UBE3B: variants seen among roughly 807,000 people sequenced by gnomAD.
UBE3B encodes the protein ubiquitin-protein ligase E3B.
A neutral mutation model predicts 132.3 loss-of-function variants in UBE3B; 80 were observed. The ratio of observed to expected loss-of-function variants is 0.60; its 90% CI spans 0.50 to 0.73. UBE3B has a LOEUF of 0.73. Ranked by LOEUF, UBE3B falls within the 30% of genes least tolerant of loss-of-function variation. The pLI, the probability that UBE3B is intolerant of heterozygous loss-of-function variation, is 0.00. For synonymous variants in UBE3B, 487 were observed against 520.4 expected, an observed-to-expected ratio of 0.94 and a Z score of 0.87; for missense variants, 1,196 against 1,362.5, an observed-to-expected ratio of 0.88 and a Z score of 1.92.
At chr12:109,526,829 C>G in intron 24 of UBE3B, among the ~76,000 whole-genome samples, 1 of 150,702 alleles carries the variant, frequency 6.6e-6, no homozygotes, top group African/African-American at 2.5e-5. Flanking sequence ...CAAGATCGCA[C>G]CAGCGCACTC....
Position 109,528,627 on chromosome 12 carries a change from G to A in UBE3B, c.2628-1263G>A, listed in dbSNP as rs565724391. The A allele has an allele frequency of 3.1e-5, 11 of 352,702 alleles. No homozygotes were observed. In the South Asian group the frequency reaches 1.1e-3, roughly 37 times the overall value. The allele number at this position is 352,702 out of a possible 1,614,324, so 21.8% of individuals were successfully genotyped here. The stretch of plus-strand genomic sequence containing the variant: ...CCAGCACTTTGGGAGGCCAAGGCAG[G>A]TGGATCACCTGAGATCAGGAGTTGA... On this transcript the variant is annotated intron_variant, in intron 24 of 27. Transcript: ENST00000342494.
rs572118676 is a variant in UBE3B at position 109,522,482 on chromosome 12, G to C, written c.2364+931G>C. On this transcript the variant is annotated intron_variant, in intron 21 of 27. Coordinates refer to ENST00000342494, the MANE Select transcript of UBE3B (RefSeq NM_130466.4). The surrounding 1 kb of genome is among the most constrained non-coding windows in gnomAD (Gnocchi z 4.2). ...TTCGCAGTGGGCTCCAGAGCTGCAG[G>C]GACCCTGCCTGGGTCTCAGGCTCTG... 1.3e-3 allele frequency among the ~76,000 whole-genome samples: 205 copies of C among 152,332 alleles called. No individual in the cohort carries two copies. Among genetic ancestry groups the C allele is most frequent in the African/African-American group, 4.8e-3 (200 of 41,584 alleles).
At chr12:109,504,829 G>C (rs1879460509) in intron 14 of UBE3B, among the ~76,000 whole-genome samples, 1 of 151,098 alleles carries the variant, frequency 6.6e-6, no homozygotes, top group South Asian at 2.1e-4. Context: ...TTTCGAGACG[G>C]AGTCTCACTC....
chr12:109,531,694 A>G (rs2136134568), intron 26 of UBE3B, among the ~76,000 whole-genome samples: 1 of 152,184 alleles, frequency 6.6e-6, no homozygotes, highest in African/African-American at 2.4e-5. Context: ...CCACATCCCC[A>G]CAGGTCTCCG....
intron 26 of UBE3B, among the ~76,000 whole-genome samples, chr12:109,530,904 C>A (rs1225921623): frequency 1.3e-5 from 2 of 152,220 alleles, no homozygotes; most frequent in African/African-American, 2.4e-5. Context: ...GTGGGCATAC[C>A]TGTTGTGCTC....
rs866785430 is a variant in UBE3B at position 109,521,091 on chromosome 12, G to A, written c.2077-57G>A. Reference sequence around the variant, plus strand: ...CTTCGCACAGAGGAGAGGGAACCCCGAATTGTGTGCATAAGGCTTTGGGCT... The same window carrying A: ...CTTCGCACAGAGGAGAGGGAACCCCAAATTGTGTGCATAAGGCTTTGGGCT... On this transcript the variant is annotated intron_variant, in intron 19 of 27. Transcript: ENST00000342494. The surrounding 1 kb of genome is among the most constrained non-coding windows in gnomAD (Gnocchi z 4.2). 1.6e-5 allele frequency: 26 copies of A among 1,588,896 alleles called. No homozygotes were observed. The highest frequency in any genetic ancestry group is 1.4e-4 in the East Asian group (6 of 44,404).
chr12:109,542,602 G>A, the UBE3B span, among the ~76,000 whole-genome samples: 4 of 152,228 alleles, frequency 2.6e-5, no homozygotes, highest in Admixed American at 2.6e-4. Context: ...GAGTAGGGTG[G>A]GACCCTAATC....
At position 109,498,364 on chromosome 12, in the gene UBE3B, G is replaced by A. The variant is rs201525907; in HGVS notation, c.940+11G>A. The A allele has an allele frequency of 2.4e-4, 380 of 1,612,044 alleles. 1 individual carries two copies. The East Asian group carries it at 7.3e-3, about 31-fold the overall frequency. On this transcript the variant is annotated intron_variant, in intron 11 of 27. Transcript: ENST00000342494. ...CGCTTTGTCTAATGGGTAAGTATCC[G>A]TGGCTGGAACTTGATTGTGTCCTGG... is the stretch of plus-strand genomic sequence containing the variant.
At chr12:109,523,916 C>A in intron 21 of UBE3B, 62 bp from the exon 22 acceptor site, 1 of 1,602,928 alleles carries the variant, frequency 6.2e-7, no homozygotes, top group Non-Finnish European at 8.5e-7. Flanking sequence ...CTGAGCCACC[C>A]CAATCCAAAC....
chr12:109,491,135 A>G lies in UBE3B; in HGVS notation c.713+8A>G, dbSNP rs1186840581. 6 of 1,613,486 alleles carry G rather than the reference A, an allele frequency of 3.7e-6. No individual in the cohort carries two copies. In the Admixed American group the frequency reaches 6.7e-5, roughly 18 times the overall value. On this transcript the variant is annotated splice_region_variant and intron_variant, in intron 9 of 27. Transcript: ENST00000342494. ...TTTTTCTCTAGCGTTACGGTGAGTA[A>G]GAAACCATAGCTGAGGTGTTGGCAT...
At chr12:109,538,623 A>G (rs186985771), downstream of UBE3B, among the ~76,000 whole-genome samples, 1,642 of 152,354 alleles carry the variant, frequency 0.011, 125 homozygotes, top group Admixed American at 0.1. The surrounding 1 kb of genome is among the most constrained non-coding windows in gnomAD (Gnocchi z 4.1). Context: ...ACTTTAAGAA[A>G]ACAGGGCTGC....
chr12:109,537,550 A>G (rs1883499093), downstream of UBE3B, among the ~76,000 whole-genome samples: 1 of 152,246 alleles, frequency 6.6e-6, no homozygotes, highest in African/African-American at 2.4e-5. Context: ...ACACCCAAGA[A>G]GAATTCATGC....
At chr12:109,528,849 CAA>C (rs753992567) in intron 24 of UBE3B, among the ~76,000 whole-genome samples, 1 of 123,638 alleles carries the variant, frequency 8.1e-6, no homozygotes. Context: ...AACTCCATCT[CAA>C]AAAAAAAAAG....
Position 109,534,388 on chromosome 12 carries a change from A to G in UBE3B, c.3016-203A>G. The G allele has an allele frequency of 1.4e-6, 2 of 1,414,532 alleles. No individual in the cohort carries two copies. Among genetic ancestry groups the G allele is most frequent in the South Asian group, 1.6e-5 (1 of 62,192 alleles). 87.6% of individuals were successfully genotyped at this position (1,414,532 alleles called of 1,614,324 possible). On this transcript the variant is annotated intron_variant, in intron 27 of 27. Coordinates refer to ENST00000342494, the MANE Select transcript of UBE3B (RefSeq NM_130466.4). This position sits in a 1 kb window ranked among gnomAD's most constrained non-coding sequence, Gnocchi z 5.2. ...TGCAGGAATTCTCTGTGCAGGCCCC[A>G]GGGAGAAGGGGTTCCTTCTCTGGAA...
chr12:109,490,944 G>A (rs926436971), intron 8 of UBE3B, 101 bp from the exon 9 acceptor site: 39 of 1,320,210 alleles, frequency 3.0e-5, no homozygotes, highest in Non-Finnish European at 4.0e-5. Flanking sequence ...TCACAATACA[G>A]TTTTTTTATC....
At chr12:109,498,441 T>G (rs1419005449) in intron 11 of UBE3B, 88 bp downstream of exon 11, 4 of 1,482,382 alleles carry the variant, frequency 2.7e-6, no homozygotes, top group African/African-American at 1.4e-5. Flanking sequence ...GAGATTTGGT[T>G]GTTTTCTGTA....
intron 27 of UBE3B, chr12:109,533,990 A>G: frequency 7.7e-7 from 1 of 1,297,798 alleles, no homozygotes; most frequent in Non-Finnish European, 1.0e-6. Context: ...CTCATTGGCC[A>G]AAGGAGAAGG....
In UBE3B at chr12:109,534,713, C is replaced by A; in HGVS notation, c.3138C>A (p.Ser1046Arg). The change falls in exon 28 of 28, where the codon AGC becomes AGA. Residue 1046 changes from serine to arginine, a missense_variant. Transcript: ENST00000342494. This position sits in a 1 kb window ranked among gnomAD's most constrained non-coding sequence, Gnocchi z 5.2. ...CFNLLKLPNYSKKSVLREKLR... is the reference protein window; with the variant it reads ...CFNLLKLPNYRKKSVLREKLR... ...ACCTGCTCAAGCTGCCCAACTACAG[C>A]AAGAAGAGCGTCCTCCGCGAGAAGC... 1 of 1,607,702 alleles carries A rather than the reference C, an allele frequency of 6.2e-7. No homozygotes were observed. Among genetic ancestry groups the A allele is most frequent in the Non-Finnish European group, 8.5e-7 (1 of 1,177,094 alleles).
chr12:109,484,817 A>G (rs1876130573), intron 4 of UBE3B, among the ~76,000 whole-genome samples: 1 of 151,746 alleles, frequency 6.6e-6, no homozygotes, highest in Admixed American at 6.6e-5. Context: ...GTGCAGTAGC[A>G]CTATCACAGC....
Sources: allele counts gnomAD v4.1 joint callset (sites outside exome capture counted in the v4.1 genomes callset), GRCh38; gene constraint gnomAD v4.1.1; non-coding constraint Gnocchi (gnomAD v3.1); transcripts MANE v1.5; gene names NCBI Gene and HGNC (gene_info 2026-07-23, HGNC 2026-07-21).